The following COL7A1 variants were observed in gnomAD, a reference collection of about 807,000 sequenced individuals.
COL7A1 encodes the protein collagen alpha-1(VII) chain.
Under a neutral mutation model 456.2 loss-of-function variants are expected in COL7A1, and 296 were observed. That is an observed-to-expected ratio of 0.65 (90% confidence interval 0.59 to 0.71). The LOEUF (loss-of-function observed/expected upper bound fraction) is 0.71, where lower values mean the gene tolerates loss of function less well. COL7A1 is among the 30% of genes least tolerant of loss of function. The pLI, the probability that COL7A1 is intolerant of heterozygous loss-of-function variation, is 0.00. For synonymous variants in COL7A1, 1,464 were observed against 1,525.9 expected, an observed-to-expected ratio of 0.96 and a Z score of 0.95; for missense variants, 3,441 against 4,017.2, an observed-to-expected ratio of 0.86 and a Z score of 3.88.
Position 48,574,450 on chromosome 3 carries a change from C to A in COL7A1, c.6456+38G>T. 1 of 1,614,032 alleles carries A rather than the reference C, an allele frequency of 6.2e-7. No homozygotes were observed. The highest frequency in any genetic ancestry group is 2.2e-5 in the East Asian group (1 of 44,888). ...CACAGGACAATACATGTGAGAGCCACCTTCTTGCACATGTGTGGCTGTTGG... is the reference window on the plus strand; with the variant it reads ...CACAGGACAATACATGTGAGAGCCAACTTCTTGCACATGTGTGGCTGTTGG... On this transcript the variant is annotated intron_variant, in intron 79 of 118. Transcript: ENST00000681320. This position sits in a 1 kb window ranked among gnomAD's most constrained non-coding sequence, Gnocchi z 5.0.
Position 48,588,726 on chromosome 3 carries a change from C to G in COL7A1, c.2503G>C (p.Glu835Gln), listed in dbSNP as rs748398314. ...CGCACTGAGTAGCTGACTCCACCTT[C>G]GAGACCCCGGATCTCTGCAGAGTCT... is the stretch of plus-strand genomic sequence containing the variant. The part of the protein sequence containing the change: ...NTDSAEIRGL[E>Q]GGVSYSVRVT... Residue 835 changes from glutamate (E) to glutamine (Q), a missense_variant, in exon 20 of 119, where the codon GAA becomes CAA. Around this residue, in one of 3 missense-constraint regions of COL7A1, gnomAD observed 444 missense variants for 427.6 expected, o/e 1.04. Coordinates refer to ENST00000681320, the MANE Select transcript of COL7A1 (RefSeq NM_000094.4). This position sits in a 1 kb window ranked among gnomAD's most constrained non-coding sequence, Gnocchi z 4.6. 6.2e-7 allele frequency: 1 copy of G among 1,613,904 alleles called. No individual in the cohort carries two copies. The highest frequency in any genetic ancestry group is 1.1e-5 in the South Asian group (1 of 91,088).
In COL7A1 at chr3:48,578,571, A is replaced by G; in HGVS notation, c.5425-56T>C. 1 of 1,576,596 alleles carries G rather than the reference A, an allele frequency of 6.3e-7. No individual in the cohort carries two copies. The highest frequency in any genetic ancestry group is 1.7e-5 in the Admixed American group (1 of 59,688). ...GCCTCTGAGATATCCCTTGGGGCAC[A>G]CCCCATGGACTAAGAGGACCCCAAA... On this transcript the variant is annotated intron_variant, in intron 63 of 118. Transcript: ENST00000681320. This position sits in a 1 kb window ranked among gnomAD's most constrained non-coding sequence, Gnocchi z 4.7.
chr3:48,588,869 C>T lies in COL7A1; in HGVS notation c.2440+1G>A. On this transcript the variant is annotated splice_donor_variant, in intron 19 of 118. Transcript: ENST00000681320. LOFTEE classifies it high-confidence loss of function. The surrounding 1 kb of genome is among the most constrained non-coding windows in gnomAD (Gnocchi z 4.6). ...ACAGGGGTGGCGTCAGGGAGCCATA[C>T]CTTCACTCCGGCCCCAGGCCAGTCT... The T allele has an allele frequency of 6.2e-7, 1 of 1,613,610 alleles. No homozygotes were observed. The highest frequency in any genetic ancestry group is 8.5e-7 in the Non-Finnish European group (1 of 1,180,038).
At chr3:48,589,798 G>C in intron 16 of COL7A1, 80 bp from the exon 17 acceptor site, 1 of 1,597,768 alleles carries the variant, frequency 6.3e-7, no homozygotes, top group Non-Finnish European at 8.6e-7. Context: ...GATGATGGGA[G>C]TCTAACAGGA....
chr3:48,591,595 G>A lies in COL7A1; in HGVS notation c.1508-3C>T, dbSNP rs1336934949. On this transcript the variant is annotated splice_polypyrimidine_tract_variant and splice_region_variant and intron_variant, in intron 12 of 118. Transcript: ENST00000681320. The surrounding 1 kb of genome is among the most constrained non-coding windows in gnomAD (Gnocchi z 7.0). ...AGGGCTCACAGGCAGCTCTGGTCCT[G>A]TTGGAGAGCACAGCATAGAGGCAGC... The A allele has an allele frequency of 4.3e-6, 7 of 1,613,630 alleles. No individual in the cohort carries two copies. Among genetic ancestry groups the A allele is most frequent in the South Asian group, 1.1e-5 (1 of 91,090 alleles).
In COL7A1 at chr3:48,573,350, T is replaced by A. The variant is rs1560210381; in HGVS notation, c.6619-2A>T. 6.2e-7 allele frequency: 1 copy of A among 1,613,958 alleles called. No individual in the cohort carries two copies. ...AGGTCCTGTCTCTCCAGGCTCCCCCTGCAAACAACCCAGAGACTGCATGAG... is the reference window on the plus strand; with the variant it reads ...AGGTCCTGTCTCTCCAGGCTCCCCCAGCAAACAACCCAGAGACTGCATGAG... On this transcript the variant is annotated splice_acceptor_variant, in intron 83 of 118. Coordinates refer to ENST00000681320, the MANE Select transcript of COL7A1 (RefSeq NM_000094.4). LOFTEE classifies it high-confidence loss of function. This position sits in a 1 kb window ranked among gnomAD's most constrained non-coding sequence, Gnocchi z 5.5.
rs2043999772 is a variant in COL7A1 at position 48,572,525 on chromosome 3, A to T, written c.6914T>A (p.Leu2305His). 6.2e-7 allele frequency: 1 copy of T among 1,612,846 alleles called. No individual in the cohort carries two copies. Among genetic ancestry groups the T allele is most frequent in the African/African-American group, 1.3e-5 (1 of 74,496 alleles). ...CACCTTCTCTCCCTTTGCTCCAGGGAGCCCGACCACAGCCTGTGGGGAATG... is the reference window on the plus strand; with the variant it reads ...CACCTTCTCTCCCTTTGCTCCAGGGTGCCCGACCACAGCCTGTGGGGAATG... ...TGAPGQAVVG[L>H]PGAKGEKGAP... The change falls in exon 89 of 119, where the codon CTC becomes CAC. Residue 2305 changes from leucine to histidine, a missense_variant. Leu to His is a moderately conservative substitution (Grantham distance 99). Around this residue, in one of 3 missense-constraint regions of COL7A1, gnomAD observed 2,084 missense variants for 2,501.3 expected, o/e 0.83. Transcript: ENST00000681320. The surrounding 1 kb of genome is among the most constrained non-coding windows in gnomAD (Gnocchi z 4.6).
intron 68 of COL7A1, 26 bp from the exon 69 acceptor site, chr3:48,576,583 G>T (rs773111677): frequency 1.6e-5 from 25 of 1,602,780 alleles, no homozygotes; most frequent in Non-Finnish European, 2.0e-5. Flanking sequence ...ACACAAAGGG[G>T]TCACAAAGGC....
At chr3:48,576,051 G>C (rs539857474) in intron 71 of COL7A1, 149 bp from the exon 72 acceptor site, 78 of 1,431,286 alleles carry the variant, frequency 5.4e-5, no homozygotes, top group Non-Finnish European at 2.9e-6. Context: ...CATGGCTGGA[G>C]ACTCCTGGGA....
Position 48,574,710 on chromosome 3 carries a change from G to A in COL7A1, c.6360C>T (p.Gly2120=). ...CTTTGGGACCTTGGTCACCATTGCT[G>A]CCCGGCTCCCCCTGTGGGGATGAGA... is the stretch of plus-strand genomic sequence containing the variant. ...PGLKGAKGEP[G]SNGDQGPKGD... is the part of the protein sequence containing the mutation. Residue 2120 remains glycine (G), a synonymous_variant, in exon 78 of 119, where the codon GGC becomes GGT. Transcript: ENST00000681320. This position sits in a 1 kb window ranked among gnomAD's most constrained non-coding sequence, Gnocchi z 5.0. 1 of 1,613,946 alleles carries A rather than the reference G, an allele frequency of 6.2e-7. No homozygotes were observed. The highest frequency in any genetic ancestry group is 8.5e-7 in the Non-Finnish European group (1 of 1,180,018).
Position 48,592,508 on chromosome 3 carries a change from GGGA to G in COL7A1, c.977-44_977-42del, listed in dbSNP as rs1470686273. Reference sequence around the variant, plus strand: ...ACCAGGGATTCATGGAGTCAGAAGTGGGAGGGGGTACTGGGGTCGGGGGTTAGG... The same window carrying G: ...ACCAGGGATTCATGGAGTCAGAAGTGGGGGGTACTGGGGTCGGGGGTTAGG... On this transcript the variant is annotated intron_variant, in intron 8 of 118. Coordinates refer to ENST00000681320, the MANE Select transcript of COL7A1 (RefSeq NM_000094.4). This position sits in a 1 kb window ranked among gnomAD's most constrained non-coding sequence, Gnocchi z 7.6. 6.2e-7 allele frequency: 1 copy of G among 1,613,302 alleles called. No homozygotes were observed. The highest frequency in any genetic ancestry group is 1.3e-5 in the African/African-American group (1 of 74,916).
At position 48,583,560 on chromosome 3, in the gene COL7A1, T is replaced by C; in HGVS notation, c.4397A>G (p.Glu1466Gly). The C allele has an allele frequency of 6.2e-7, 1 of 1,614,048 alleles. No homozygotes were observed. The highest frequency in any genetic ancestry group is 8.5e-7 in the Non-Finnish European group (1 of 1,180,010). The change falls in exon 41 of 119, where the codon GAG (glutamate) becomes GGG (glycine). Residue 1466 changes from glutamate (E) to glycine (G), a missense_variant. By Grantham distance (98) the Glu-to-Gly change is moderately conservative. Around this residue, in one of 3 missense-constraint regions of COL7A1, gnomAD observed 2,084 missense variants for 2,501.3 expected, o/e 0.83. Transcript: ENST00000681320. The surrounding 1 kb of genome is among the most constrained non-coding windows in gnomAD (Gnocchi z 5.1). ...GLPGQPGSPG[E>G]QGPRGPPGAI... The stretch of plus-strand genomic sequence containing the variant: ...ATCCCTGGCCCCTCCACTCACCTGC[T>C]CACCCGGAGACCCAGGTTGTCCTGG...
Position 48,569,264 on chromosome 3 carries a change from C to T in COL7A1, c.7686+111G>A. The T allele has an allele frequency of 7.5e-7, 1 of 1,340,714 alleles. No homozygotes were observed. Among genetic ancestry groups the T allele is most frequent in the Non-Finnish European group, 1.1e-6 (1 of 933,858 alleles). 83.1% of individuals were successfully genotyped at this position (1,340,714 alleles called of 1,614,324 possible). On this transcript the variant is annotated intron_variant, in intron 103 of 118. Transcript: ENST00000681320. This position sits in a 1 kb window ranked among gnomAD's most constrained non-coding sequence, Gnocchi z 4.9. ...CATAGTCAGCCACAGAACCCCTTCC[C>T]CCTAAACCCCAGAAAGCCTCCTCCT...
rs371660856 is a variant in COL7A1 at position 48,581,293 on chromosome 3, G to A, written c.4866C>T (p.Gly1622=). 4.3e-6 allele frequency: 7 copies of A among 1,613,382 alleles called. No individual in the cohort carries two copies. The South Asian group carries it at 5.5e-5, about 13-fold the overall frequency. Residue 1622 remains glycine (G), a synonymous_variant, in exon 52 of 119, where the codon GGC becomes GGT. Transcript: ENST00000681320. This position sits in a 1 kb window ranked among gnomAD's most constrained non-coding sequence, Gnocchi z 5.8. ...CTCGGGGGCCAACAGGTCCTGGGGGGCCAGGCCGCCCAGGGTCTCCCTTCT... is the reference window on the plus strand; with the variant it reads ...CTCGGGGGCCAACAGGTCCTGGGGGACCAGGCCGCCCAGGGTCTCCCTTCT... ...PGEKGDPGRP[G]PPGPVGPRGR...
Position 48,568,581 on chromosome 3 carries a change from A to G in COL7A1, c.7759-47T>C, listed in dbSNP as rs1327965733. ...GAGCCCTTCAGTGGGACTGTCCCCAACACTGGCCCATCCGCTGCATGTGTG... is the reference window on the plus strand; with the variant it reads ...GAGCCCTTCAGTGGGACTGTCCCCAGCACTGGCCCATCCGCTGCATGTGTG... On this transcript the variant is annotated intron_variant, in intron 104 of 118. Coordinates refer to ENST00000681320, the MANE Select transcript of COL7A1 (RefSeq NM_000094.4). This position sits in a 1 kb window ranked among gnomAD's most constrained non-coding sequence, Gnocchi z 5.2. 1.3e-6 allele frequency: 2 copies of G among 1,586,902 alleles called. No individual in the cohort carries two copies. Among genetic ancestry groups the G allele is most frequent in the Non-Finnish European group, 8.6e-7 (1 of 1,162,764 alleles).
Position 48,588,916 on chromosome 3 carries a change from C to CCCTA in COL7A1, c.2390_2393dup (p.Val799ArgfsTer16). ...GTCTGTAAGCTGTGGCTCCAGTGACCCCTACCCAGGTGATCCGTAGAACGT... is the reference window on the plus strand; with the variant it reads ...GTCTGTAAGCTGTGGCTCCAGTGACCCCTACCTACCCAGGTGATCCGTAGAACGT... On this transcript the variant is annotated frameshift_variant, in exon 19 of 119. Transcript: ENST00000681320. LOFTEE classifies it high-confidence loss of function. This position sits in a 1 kb window ranked among gnomAD's most constrained non-coding sequence, Gnocchi z 4.6. The CCCTA allele has an allele frequency of 6.2e-7, 1 of 1,613,640 alleles. No individual in the cohort carries two copies. Among genetic ancestry groups the CCCTA allele is most frequent in the South Asian group, 1.1e-5 (1 of 91,088 alleles).
Position 48,580,677 on chromosome 3 carries a change from C to A in COL7A1, c.4981-25G>T, listed in dbSNP as rs1405872927. The stretch of plus-strand genomic sequence containing the variant: ...CCTAAGAAGAGCAGCTGGCCTGAGA[C>A]AGACCCTCCCAATATTTTGCAGGTG... On this transcript the variant is annotated intron_variant, in intron 54 of 118. Coordinates refer to ENST00000681320, the MANE Select transcript of COL7A1 (RefSeq NM_000094.4). The surrounding 1 kb of genome is among the most constrained non-coding windows in gnomAD (Gnocchi z 4.5). 6 of 1,613,018 alleles carry A rather than the reference C, an allele frequency of 3.7e-6. No individual in the cohort carries two copies. In the Admixed American group the frequency reaches 8.3e-5, roughly 22 times the overall value.
chr3:48,564,175 C>A lies in COL7A1; in HGVS notation c.*231G>T, dbSNP rs2043504656. 2 of 623,046 alleles carry A rather than the reference C, an allele frequency of 3.2e-6. No homozygotes were observed. The highest frequency in any genetic ancestry group is 1.8e-5 in the South Asian group (1 of 56,468). 38.6% of individuals were successfully genotyped at this position (623,046 alleles called of 1,614,324 possible). A position where few individuals can be genotyped will look rare whatever the true frequency, so the allele number is the denominator to read the frequency against. On this transcript the variant is annotated 3_prime_UTR_variant, in exon 119 of 119. Coordinates refer to ENST00000681320, the MANE Select transcript of COL7A1 (RefSeq NM_000094.4). This position sits in a 1 kb window ranked among gnomAD's most constrained non-coding sequence, Gnocchi z 6.0. The stretch of plus-strand genomic sequence containing the variant: ...GACGCCAGTCACATCCGCTCACTGC[C>A]CACAGCCACCCCCCCACAGTGAGTC...
chr3:48,573,708 A>G lies in COL7A1; in HGVS notation c.6555T>C (p.Pro2185=). 1 of 1,613,308 alleles carries G rather than the reference A, an allele frequency of 6.2e-7. No homozygotes were observed. The highest frequency in any genetic ancestry group is 8.5e-7 in the Non-Finnish European group (1 of 1,179,654). The change falls in exon 82 of 119, where the codon CCT becomes CCC. Residue 2185 remains proline (P), a synonymous_variant. Coordinates refer to ENST00000681320, the MANE Select transcript of COL7A1 (RefSeq NM_000094.4). This position sits in a 1 kb window ranked among gnomAD's most constrained non-coding sequence, Gnocchi z 5.5. ...CACTCACCGGGGCACCAGGTGGTCCAGGGTCTCCATGACCACCCTGTTGTG... is the reference window on the plus strand; with the variant it reads ...CACTCACCGGGGCACCAGGTGGTCCGGGGTCTCCATGACCACCCTGTTGTG... The part of the protein sequence containing the change: ...PPGPVGGHGD[P]GPPGAPGLAG...
Sources: gnomAD v4.1 joint callset for allele counts on GRCh38, gnomAD v4.1.1 for gene constraint, gnomAD v4.1.1 regional missense constraint, Gnocchi (gnomAD v3.1) non-coding constraint, MANE v1.5 for transcripts, NCBI Gene and HGNC (gene_info 2026-07-23, HGNC 2026-07-21) for gene names.